Variants in FAM53B observed in about 807,000 individuals in gnomAD.
FAM53B encodes family with sequence similarity 53 member B.
Under a neutral mutation model 32.7 loss-of-function variants are expected in FAM53B, and 12 were observed. That is an observed-to-expected ratio of 0.37 (90% CI 0.24 to 0.59). The LOEUF (loss-of-function observed/expected upper bound fraction) is 0.59. Among genes scored for constraint, FAM53B ranks in the 20% least tolerant of loss-of-function variants. FAM53B has a pLI of 0.72. For synonymous variants in FAM53B, 234 were observed against 228.7 expected, an observed-to-expected ratio of 1.02 and a Z score of -0.21; for missense variants, 477 against 577.7, an observed-to-expected ratio of 0.83 and a Z score of 1.79.
At chr10:124,729,731 T>C (rs1950129182) in intron 1 of FAM53B, among the ~76,000 whole-genome samples, 2 of 152,204 alleles carry the variant, frequency 1.3e-5, no homozygotes, top group African/African-American at 4.8e-5. Context: ...GAGACTCCAA[T>C]GTAGACAGCG....
chr10:124,641,181 A>G (rs1949469164), intron 4 of FAM53B, among the ~76,000 whole-genome samples: 1 of 152,170 alleles, frequency 6.6e-6, no homozygotes, highest in Non-Finnish European at 1.5e-5. Context: ...CCTTCCCTTA[A>G]AGGTAAATGC....
At chr10:124,730,238 C>A (rs958547481) in intron 1 of FAM53B, among the ~76,000 whole-genome samples, 8 of 152,312 alleles carry the variant, frequency 5.3e-5, no homozygotes, top group African/African-American at 1.7e-4. Context: ...TGGCCCAGAA[C>A]AGAACAGGTA....
At chr10:124,636,543 A>G (rs1454954565) in intron 4 of FAM53B, among the ~76,000 whole-genome samples, 4 of 152,182 alleles carry the variant, frequency 2.6e-5, no homozygotes, top group Non-Finnish European at 4.4e-5. Context: ...GGGAGATCCC[A>G]GGAAAACACT....
intron 1 of FAM53B, among the ~76,000 whole-genome samples, chr10:124,736,035 G>T (rs1453350334): frequency 6.6e-6 from 1 of 152,270 alleles, no homozygotes; most frequent in African/African-American, 2.4e-5. Flanking sequence ...GCACCTAGGT[G>T]GCATGCAGCC....
intron 1 of FAM53B, among the ~76,000 whole-genome samples, chr10:124,740,911 T>C (rs1301151839): frequency 1.3e-5 from 2 of 152,158 alleles, no homozygotes; most frequent in Non-Finnish European, 1.5e-5. Flanking sequence ...GCTCCGGCCA[T>C]GTGCTTTGTG....
intron 1 of FAM53B, among the ~76,000 whole-genome samples, chr10:124,709,676 G>A (rs1030148176): frequency 2.0e-5 from 3 of 152,068 alleles, no homozygotes; most frequent in African/African-American, 4.8e-5. Context: ...AATACATTAC[G>A]GTGTTGTTAC....
chr10:124,658,269 G>A (rs1949608748), intron 4 of FAM53B, among the ~76,000 whole-genome samples: 1 of 152,206 alleles, frequency 6.6e-6, no homozygotes, highest in Non-Finnish European at 1.5e-5. Flanking sequence ...GCCATATTCG[G>A]TGCTGCCATA....
At chr10:124,714,168 T>C (rs1312257599) in intron 1 of FAM53B, 2 of 152,058 alleles carry the variant, frequency 1.3e-5, no homozygotes, top group African/African-American at 4.8e-5. Flanking sequence ...TTTAATCTGC[T>C]TGGGGACGCT....
intron 3 of FAM53B, among the ~76,000 whole-genome samples, chr10:124,687,348 C>T (rs1199000580): frequency 1.3e-5 from 2 of 152,012 alleles, no homozygotes; most frequent in African/African-American, 4.8e-5. Flanking sequence ...TCACAATTGT[C>T]ATGGATGTAG....
intron 4 of FAM53B, among the ~76,000 whole-genome samples, chr10:124,656,850 G>A (rs998409674): frequency 6.6e-6 from 1 of 151,830 alleles, no homozygotes; most frequent in African/African-American, 2.4e-5. Context: ...GACAACACTT[G>A]GACACAGGAA....
chr10:124,622,942 A>C lies in FAM53B; in HGVS notation c.*300T>G. ...GACAACAGAGACTGCCCAACATCCC[A>C]CAGGGAAAGAGGCAGAAAAGACGCA... is the stretch of plus-strand genomic sequence containing the variant. On this transcript the variant is annotated 3_prime_UTR_variant, in exon 5 of 5. Coordinates refer to ENST00000337318, the MANE Select transcript of FAM53B (RefSeq NM_014661.4). The C allele has an allele frequency of 1.3e-5, 4 of 305,844 alleles. No homozygotes were observed. Among genetic ancestry groups the C allele is most frequent in the Non-Finnish European group, 1.8e-5 (3 of 163,910 alleles). 18.9% of individuals were successfully genotyped at this position (305,844 alleles called of 1,614,324 possible).
At chr10:124,735,580 TC>T (rs1294818694) in intron 1 of FAM53B, among the ~76,000 whole-genome samples, 1 of 152,242 alleles carries the variant, frequency 6.6e-6, no homozygotes, top group African/African-American at 2.4e-5. Context: ...CCAGTTGAAG[TC>T]CCCTCTGCTC....
rs567398492 is a variant in FAM53B, at chr10:124,740,913, T to C, written c.-175+3100A>G. 4.6e-5 allele frequency among the ~76,000 whole-genome samples: 7 copies of C among 152,298 alleles called. No homozygotes were observed. The South Asian group carries it at 1.4e-3, about 32-fold the overall frequency. The stretch of plus-strand genomic sequence containing the variant: ...CTGAGCCCCGCCAGCTCCGGCCATG[T>C]GCTTTGTGTTGGCAACGAACCGGTT... On this transcript the variant is annotated intron_variant, in intron 1 of 4. Coordinates refer to ENST00000337318, the MANE Select transcript of FAM53B (RefSeq NM_014661.4).
chr10:124,620,355 G>GCACCC lies in FAM53B; in HGVS notation c.*2886_*2887insGGGTG, dbSNP rs139972068. 27 of 130,774 alleles carry GCACCC rather than the reference G, an allele frequency of 2.1e-4. 1 individual carries two copies. The highest frequency in any genetic ancestry group is 7.9e-4 in the African/African-American group (27 of 34,016). The allele number at this position is 130,774 out of a possible 1,614,324, so 8.1% of individuals were successfully genotyped here. ...ATGAGTGGGGTGCATGTGGCACTAA[G>GCACCC]CCCCCCCCACCGCCCCGGCTTTCCT... On this transcript the variant is annotated 3_prime_UTR_variant, in exon 5 of 5. Transcript: ENST00000337318.
chr10:124,638,200 T>G (rs1450378296), intron 4 of FAM53B, among the ~76,000 whole-genome samples: 1 of 152,076 alleles, frequency 6.6e-6, no homozygotes, highest in Non-Finnish European at 1.5e-5. Flanking sequence ...AAACCCCGTC[T>G]CTACAAAAAA....
chr10:124,643,771 T>G (rs1949492778), intron 4 of FAM53B, among the ~76,000 whole-genome samples: 1 of 152,124 alleles, frequency 6.6e-6, no homozygotes, highest in Admixed American at 6.5e-5. Flanking sequence ...GCAGTGAGGA[T>G]GGAAGGCTCA....
chr10:124,663,014 C>T (rs890580784), intron 4 of FAM53B, among the ~76,000 whole-genome samples: 17 of 152,196 alleles, frequency 1.1e-4, no homozygotes, highest in South Asian at 4.1e-4. Flanking sequence ...AGAGCAGGAA[C>T]GAGAAACGGT....
chr10:124,738,903 T>G (rs1950185582), intron 1 of FAM53B, among the ~76,000 whole-genome samples: 2 of 152,146 alleles, frequency 1.3e-5, no homozygotes, highest in South Asian at 4.1e-4. Context: ...TACTTCCTGT[T>G]TCCCCCAGAA....
At chr10:124,637,370 C>T (rs918482388) in intron 4 of FAM53B, among the ~76,000 whole-genome samples, 5 of 152,194 alleles carry the variant, frequency 3.3e-5, no homozygotes, top group African/African-American at 1.2e-4. Flanking sequence ...GGAAGTCTTG[C>T]TTGCTCTGGG....
Sources: allele counts gnomAD v4.1 joint callset (sites outside exome capture counted in the v4.1 genomes callset), GRCh38; gene constraint gnomAD v4.1.1; transcripts MANE v1.5; gene names NCBI Gene and HGNC (gene_info 2026-07-23, HGNC 2026-07-21).